The following RALGDS variants were observed in gnomAD, a reference collection of about 807,000 sequenced individuals.
RALGDS encodes ral guanine nucleotide dissociation stimulator.
RALGDS carries 44 observed loss-of-function variants against 99.8 expected under a neutral mutation model. That is an observed-to-expected ratio of 0.44 (90% CI 0.35 to 0.57). The LOEUF (loss-of-function observed/expected upper bound fraction) is 0.57, where lower values mean the gene tolerates loss of function less well. RALGDS is among the 20% of genes least tolerant of loss of function. RALGDS has a pLI of 0.01. For missense variants in RALGDS, 1,022 were observed against 1,203.1 expected, an observed-to-expected ratio of 0.85 and a Z score of 2.23; for synonymous variants, 529 against 505.0, an observed-to-expected ratio of 1.05 and a Z score of -0.64.
At chr9:133,099,946 G>A in intron 17 of RALGDS, 1 of 404,358 alleles carries the variant, frequency 2.5e-6, no homozygotes, top group Non-Finnish European at 4.6e-6. Flanking sequence ...TAGAGCACAT[G>A]TTTTCTTGTC....
intron 1 of RALGDS, among the ~76,000 whole-genome samples, chr9:133,115,966 G>A (rs980586651): frequency 6.6e-6 from 1 of 152,270 alleles, no homozygotes; most frequent in Admixed American, 6.5e-5. Flanking sequence ...GACAGTGCGG[G>A]GCCCACGCTG....
chr9:133,128,311 C>T lies in RALGDS; in HGVS notation c.132+2641G>A, dbSNP rs116195939. 5.6e-3 allele frequency among the ~76,000 whole-genome samples: 849 copies of T among 152,226 alleles called. 9 individuals are homozygous for T. Among genetic ancestry groups the T allele is most frequent in the African/African-American group, 0.019 (803 of 41,512 alleles). ...GGCAGACGGAAGCGAGGAGACAGGGCGCAGAGGGGCTGCGGGGGGTGCTGG... is the reference window on the plus strand; with the variant it reads ...GGCAGACGGAAGCGAGGAGACAGGGTGCAGAGGGGCTGCGGGGGGTGCTGG... On this transcript the variant is annotated intron_variant, in intron 1 of 17. Transcript: ENST00000372062.
rs918112874 is a variant in RALGDS, at chr9:133,098,155, C to A, written c.*432G>T. ...CTAGAGTGGTGGGAGGGGCCGGGAC[C>A]CCTGCGAAGGTCACAGGCCAGTGCC... On this transcript the variant is annotated 3_prime_UTR_variant, in exon 18 of 18. Coordinates refer to ENST00000372050, the MANE Select transcript of RALGDS (RefSeq NM_006266.4). 11 of 299,640 alleles carry A rather than the reference C, an allele frequency of 3.7e-5. No homozygotes were observed. Among genetic ancestry groups the A allele is most frequent in the African/African-American group, 2.1e-4 (10 of 47,162 alleles). The allele number at this position is 299,640 out of a possible 1,614,324, so 18.6% of individuals were successfully genotyped here.
intron 4 of RALGDS, among the ~76,000 whole-genome samples, chr9:133,109,306 C>T (rs954033381): frequency 4.6e-5 from 7 of 152,200 alleles, no homozygotes; most frequent in Non-Finnish European, 7.3e-5. Context: ...AATGTGAGAG[C>T]AGAGGCTCAC....
Position 133,100,340 on chromosome 9 carries a change from T to C in RALGDS, c.2497A>G (p.Met833Val). 2 of 1,614,220 alleles carry C rather than the reference T, an allele frequency of 1.2e-6. No individual in the cohort carries two copies. The highest frequency in any genetic ancestry group is 1.7e-6 in the Non-Finnish European group (2 of 1,180,030). The change falls in exon 17 of 18, where the codon ATG becomes GTG. Residue 833 changes from methionine (M) to valine (V), a missense_variant. By Grantham distance (21) the Met-to-Val change is conservative. This residue lies in a region of RALGDS where 825 missense variants were observed against 994.5 expected (regional missense o/e 0.83). Transcript: ENST00000372050. ...DKAPAVIRKA[M>V]DKHNLEEEEP... ...TCCTCCTCCAGGTTGTGTTTGTCCA[T>C]GGCCTTGCGGATTACAGCCGGAGCC...
chr9:133,105,505 C>A (rs1190588182), intron 9 of RALGDS, among the ~76,000 whole-genome samples: 1 of 152,130 alleles, frequency 6.6e-6, no homozygotes, highest in Admixed American at 6.5e-5. Flanking sequence ...GGTAGGCAGG[C>A]TGCCCTCTCC....
At chr9:133,117,503 C>T (rs946723911) in intron 1 of RALGDS, among the ~76,000 whole-genome samples, 1 of 152,248 alleles carries the variant, frequency 6.6e-6, no homozygotes, top group African/African-American at 2.4e-5. Flanking sequence ...CTGCCCCGCC[C>T]GCCAAGCCAC....
Position 133,143,768 on chromosome 9 carries a change from T to C in RALGDS, c.18+5195A>G, listed in dbSNP as rs550741470. On this transcript the variant is annotated intron_variant, in intron 1 of 17. Coordinates refer to the RALGDS transcript ENST00000393160. ...ATAATAATAATAATAATAATAATAATAATAACAACAACAACAACAATAATA... is the reference window on the plus strand; with the variant it reads ...ATAATAATAATAATAATAATAATAACAATAACAACAACAACAACAATAATA... Among the ~76,000 whole-genome samples, 48 of 102,408 alleles carry C rather than the reference T, an allele frequency of 4.7e-4. 1 individual carries two copies. The highest frequency in any genetic ancestry group is 1.4e-3 in the Admixed American group (14 of 9,856). 67.2% of individuals were successfully genotyped at this position (102,408 alleles called of 152,430 possible).
chr9:133,144,252 C>T lies in RALGDS; in HGVS notation c.18+4711G>A, dbSNP rs1832586601. Among the ~76,000 whole-genome samples the T allele has an allele frequency of 6.6e-6, 1 of 152,132 alleles. No individual in the cohort carries two copies. The highest frequency in any genetic ancestry group is 1.5e-5 in the Non-Finnish European group (1 of 68,000). ...CCGGCTCAGCTTGCAGGCGAGGAACCAAACGAAAGGCAAACTCCTGGCCCC... is the reference window on the plus strand; with the variant it reads ...CCGGCTCAGCTTGCAGGCGAGGAACTAAACGAAAGGCAAACTCCTGGCCCC... On this transcript the variant is annotated intron_variant, in intron 1 of 17. Coordinates refer to the RALGDS transcript ENST00000393160. This position sits in a 1 kb window ranked among gnomAD's most constrained non-coding sequence, Gnocchi z 4.5.
chr9:133,136,023 T>G (rs1290386630), upstream of RALGDS, among the ~76,000 whole-genome samples: 2 of 152,158 alleles, frequency 1.3e-5, no homozygotes, highest in African/African-American at 2.4e-5. Context: ...TAGCCTGCAC[T>G]GTCTGCAGAC....
chr9:133,135,392 C>T (rs555950736), upstream of RALGDS, among the ~76,000 whole-genome samples: 52 of 152,254 alleles, frequency 3.4e-4, no homozygotes, highest in African/African-American at 7.5e-4. Context: ...GCTGCCTGCC[C>T]GCCGGCCCCT....
At chr9:133,128,805 G>A (rs1159285336) in intron 1 of RALGDS, among the ~76,000 whole-genome samples, 3 of 152,206 alleles carry the variant, frequency 2.0e-5, no homozygotes, top group Non-Finnish European at 2.9e-5. Context: ...AGCAGACAGT[G>A]AAGCAGTGCA....
chr9:133,131,045 G>T (rs1832319089), exon 1 of RALGDS: 1 of 1,531,358 alleles, frequency 6.5e-7, no homozygotes, highest in East Asian at 2.5e-5. Context: ...GGGAGGAGAG[G>T]GTGTGGGCAG....
chr9:133,140,141 C>T (rs1832494304), intron 1 of RALGDS, among the ~76,000 whole-genome samples: 1 of 151,950 alleles, frequency 6.6e-6, no homozygotes, highest in Non-Finnish European at 1.5e-5. Flanking sequence ...GGGGTGGGAG[C>T]GGGAATCCCT....
chr9:133,123,766 A>C, upstream of RALGDS, among the ~76,000 whole-genome samples: 1 of 137,252 alleles, frequency 7.3e-6, no homozygotes, highest in African/African-American at 2.7e-5. Flanking sequence ...ACACACACAC[A>C]CACAGAGACA....
At chr9:133,108,576 C>T (rs1291279676) in intron 5 of RALGDS, 97 bp downstream of exon 5, 2 of 1,503,046 alleles carry the variant, frequency 1.3e-6, no homozygotes, top group East Asian at 2.4e-5. Flanking sequence ...TCATCTGGGC[C>T]CCTGACCCAG....
At position 133,101,922 on chromosome 9, in the gene RALGDS, A is replaced by T. The variant is rs1830776957; in HGVS notation, c.2211+16T>A. 1.9e-6 allele frequency: 3 copies of T among 1,550,810 alleles called. No individual in the cohort carries two copies. Among genetic ancestry groups the T allele is most frequent in the Non-Finnish European group, 2.6e-6 (3 of 1,147,048 alleles). ...GGAGATGGGAAAGGATATTGGGGAGAAGGGCAGGCAGTCACCTTCTTTTCC... is the reference window on the plus strand; with the variant it reads ...GGAGATGGGAAAGGATATTGGGGAGTAGGGCAGGCAGTCACCTTCTTTTCC... On this transcript the variant is annotated intron_variant, in intron 15 of 17. Coordinates refer to ENST00000372050, the MANE Select transcript of RALGDS (RefSeq NM_006266.4).
exon 1 of RALGDS, chr9:133,149,044 C>T: frequency 7.0e-7 from 1 of 1,429,864 alleles, no homozygotes; most frequent in Non-Finnish European, 9.2e-7. Context: ...AGGCCGCTCG[C>T]CTGGGCCCGC....
At chr9:133,139,149 C>T (rs1453836755) in intron 1 of RALGDS, among the ~76,000 whole-genome samples, 5 of 152,192 alleles carry the variant, frequency 3.3e-5, no homozygotes, top group African/African-American at 4.8e-5. Context: ...CAGAGAGATG[C>T]ACCTGCCCCC....
Sources: allele counts gnomAD v4.1 joint callset (sites outside exome capture counted in the v4.1 genomes callset), GRCh38; gene constraint gnomAD v4.1.1; regional missense constraint gnomAD v4.1.1; non-coding constraint Gnocchi (gnomAD v3.1); transcripts MANE v1.5; gene names NCBI Gene and HGNC (gene_info 2026-07-23, HGNC 2026-07-21).